The following LAMA1 variants were observed in gnomAD, a reference collection of about 807,000 sequenced individuals.
The protein encoded by LAMA1 is laminin subunit alpha 1, also known as laminin subunit alpha-1.
In LAMA1, 219 loss-of-function variants were observed where a neutral mutation model predicts 348.7. The ratio of observed to expected loss-of-function variants is 0.63; its 90% CI spans 0.56 to 0.70. LAMA1 has a LOEUF of 0.70. Ranked by LOEUF, LAMA1 falls within the 30% of genes least tolerant of loss-of-function variation. The pLI, the probability that LAMA1 is intolerant of heterozygous loss-of-function variation, is 0.00. For synonymous variants in LAMA1, 1,487 were observed against 1,491.0 expected (o/e 1.00, Z 0.06); for missense variants, 3,744 against 3,888.0 (o/e 0.96, Z 0.99).
chr18:6,979,886 G>A (rs546232585), intron 42 of LAMA1, among the ~76,000 whole-genome samples: 123 of 152,270 alleles, frequency 8.1e-4, no homozygotes, highest in Middle Eastern at 3.4e-3. Context: ...GCGACAGAGC[G>A]AGACTCTGTC....
chr18:7,033,204 C>A, intron 14 of LAMA1, 109 bp from the exon 15 acceptor site: 2 of 791,358 alleles, frequency 2.5e-6, no homozygotes, highest in Non-Finnish European at 4.2e-6. Context: ...CAGTGGCTCA[C>A]GCCTGTAATC....
chr18:7,106,980 C>A (rs2058314400), intron 1 of LAMA1, among the ~76,000 whole-genome samples: 1 of 152,050 alleles, frequency 6.6e-6, no homozygotes, highest in South Asian at 2.1e-4. Context: ...CCCCTCCTCC[C>A]CCGCTTTCCT....
In LAMA1 at chr18:6,942,038, A is replaced by G; in HGVS notation, c.*41T>C. ...TAATTCACACATACACTTCTCCTCAAAATATTAGCAATGATTCCAACTGAG... is the reference window on the plus strand; with the variant it reads ...TAATTCACACATACACTTCTCCTCAGAATATTAGCAATGATTCCAACTGAG... On this transcript the variant is annotated 3_prime_UTR_variant, in exon 63 of 63. Coordinates refer to ENST00000389658, the MANE Select transcript of LAMA1 (RefSeq NM_005559.4). 4.3e-6 allele frequency: 7 copies of G among 1,611,018 alleles called. No individual in the cohort carries two copies. The highest frequency in any genetic ancestry group is 5.9e-6 in the Non-Finnish European group (7 of 1,177,528).
At chr18:7,048,294 TAC>T (rs1314962588) in intron 5 of LAMA1, among the ~76,000 whole-genome samples, 3 of 152,172 alleles carry the variant, frequency 2.0e-5, no homozygotes, top group Non-Finnish European at 4.4e-5. Flanking sequence ...AAAATGCCAA[TAC>T]ACGCACACAG....
intron 3 of LAMA1, among the ~76,000 whole-genome samples, chr18:7,059,914 T>C (rs1311446048): frequency 1.3e-5 from 2 of 152,246 alleles, no homozygotes; most frequent in African/African-American, 2.4e-5. Flanking sequence ...TTTTGTGCTC[T>C]GTGAGATTTA....
At chr18:6,996,825 G>A (rs2057783356) in intron 33 of LAMA1, among the ~76,000 whole-genome samples, 1 of 151,776 alleles carries the variant, frequency 6.6e-6, no homozygotes, top group Non-Finnish European at 1.5e-5. Flanking sequence ...ATAAATAAGT[G>A]CTATAGTAGG....
intron 29 of LAMA1, among the ~76,000 whole-genome samples, chr18:7,005,475 G>A (rs561240277): frequency 8.4e-4 from 128 of 152,342 alleles, no homozygotes; most frequent in African/African-American, 2.7e-3. Context: ...ACAGCCGGGC[G>A]TGATGGCTCA....
chr18:6,956,520 G>C, intron 56 of LAMA1, 116 bp downstream of exon 56: 4 of 1,518,946 alleles, frequency 2.6e-6, no homozygotes, highest in Non-Finnish European at 2.7e-6. Context: ...TCCAGCTCCA[G>C]CTCCAGCTCC....
At chr18:6,962,675 A>G (rs2057613842) in intron 51 of LAMA1, among the ~76,000 whole-genome samples, 1 of 152,214 alleles carries the variant, frequency 6.6e-6, no homozygotes, top group Non-Finnish European at 1.5e-5. Flanking sequence ...CAGCACATAG[A>G]TTATAATCCA....
At chr18:7,016,869 T>C (rs1008435317) in intron 20 of LAMA1, among the ~76,000 whole-genome samples, 198 bp from the exon 21 acceptor site, 3 of 152,204 alleles carry the variant, frequency 2.0e-5, no homozygotes, top group African/African-American at 7.2e-5. Context: ...ATGACATGGT[T>C]TGACTCTGTG....
chr18:7,094,422 G>C (rs1005839943), intron 1 of LAMA1, among the ~76,000 whole-genome samples: 1 of 109,508 alleles, frequency 9.1e-6, no homozygotes, highest in Non-Finnish European at 1.7e-5. Context: ...GCAAGACTCC[G>C]TCTCAAAAAA....
At position 6,982,434 on chromosome 18, in the gene LAMA1, G is replaced by A. The variant is rs977245993; in HGVS notation, c.5890+63C>T. ...TGCATGCAAGGAGAACATTCTTAGA[G>A]GCTGCTCAGCGAGACGCTCACGCTC... On this transcript the variant is annotated intron_variant, in intron 41 of 62. Coordinates refer to ENST00000389658, the MANE Select transcript of LAMA1 (RefSeq NM_005559.4). The A allele has an allele frequency of 9.1e-6, 12 of 1,320,566 alleles. No individual in the cohort carries two copies. The Admixed American group carries it at 1.3e-4, about 15-fold the overall frequency. 81.8% of individuals were successfully genotyped at this position (1,320,566 alleles called of 1,614,324 possible). A position where few individuals can be genotyped will look rare whatever the true frequency, so the allele number is the denominator to read the frequency against.
chr18:6,976,520 A>G (rs1212674040), intron 44 of LAMA1, among the ~76,000 whole-genome samples: 4 of 152,192 alleles, frequency 2.6e-5, no homozygotes, highest in Non-Finnish European at 5.9e-5. Context: ...AATTCGTTGC[A>G]TATGTATCTT....
chr18:6,958,800 G>T, intron 54 of LAMA1, 138 bp from the exon 55 acceptor site: 1 of 711,410 alleles, frequency 1.4e-6, no homozygotes, highest in Non-Finnish European at 2.3e-6. Context: ...GACACTGTCT[G>T]TGACCAAAAA....
At chr18:6,980,348 C>T (rs2144047381) in intron 42 of LAMA1, among the ~76,000 whole-genome samples, 173 bp downstream of exon 42, 1 of 152,238 alleles carries the variant, frequency 6.6e-6, no homozygotes, top group South Asian at 2.1e-4. Context: ...TTTTAAAAAC[C>T]AATGATTTTC....
At chr18:7,081,638 T>A (rs2058193816) in intron 1 of LAMA1, among the ~76,000 whole-genome samples, 1 of 152,196 alleles carries the variant, frequency 6.6e-6, no homozygotes, top group South Asian at 2.1e-4. Context: ...AGTACCTCCA[T>A]TCGGTTCTTT....
intron 33 of LAMA1, among the ~76,000 whole-genome samples, 185 bp downstream of exon 33, chr18:6,997,557 G>C (rs1303157451): frequency 6.6e-6 from 1 of 152,142 alleles, no homozygotes; most frequent in Non-Finnish European, 1.5e-5. Flanking sequence ...TAGCGTGTGA[G>C]ATAAGTAAGT....
chr18:7,036,131 T>C lies in LAMA1; in HGVS notation c.1738-43A>G, dbSNP rs113137222. ...GAATGAACACGAAAGGGGAAGACAA[T>C]CACAGCAACAATCAAGTAAGAGGAA... On this transcript the variant is annotated intron_variant, in intron 12 of 62. Transcript: ENST00000389658. 3.5e-3 allele frequency: 4,770 copies of C among 1,369,786 alleles called. 147 individuals are homozygous for C. In the African/African-American group the frequency reaches 0.057, roughly 16 times the overall value. 84.9% of individuals were successfully genotyped at this position (1,369,786 alleles called of 1,614,324 possible).
At chr18:7,051,931 A>G (rs77324124) in intron 3 of LAMA1, among the ~76,000 whole-genome samples, 281 of 152,322 alleles carry the variant, frequency 1.8e-3, no homozygotes, top group Middle Eastern at 6.8e-3. Flanking sequence ...ATACTCAGCA[A>G]TCATGCTCCT....
Sources: allele counts gnomAD v4.1 joint callset (sites outside exome capture counted in the v4.1 genomes callset), GRCh38; gene constraint gnomAD v4.1.1; transcripts MANE v1.5; gene names NCBI Gene and HGNC (gene_info 2026-07-23, HGNC 2026-07-21).